Variants in NFATC3 observed in about 807,000 individuals in gnomAD.
NFATC3 encodes the protein nuclear factor of activated T cells 3.
NFATC3 carries 46 observed loss-of-function variants against 98.6 expected under a neutral mutation model. That is an observed-to-expected ratio of 0.47 (90% CI 0.37 to 0.60). The LOEUF (loss-of-function observed/expected upper bound fraction) is 0.60, where lower values mean the gene tolerates loss of function less well. Among genes scored for constraint, NFATC3 ranks in the 20% least tolerant of loss-of-function variants. The pLI is 0.00. For synonymous variants in NFATC3, 512 were observed against 472.2 expected (o/e 1.08, Z -1.09); for missense variants, 1,256 against 1,295.5 (o/e 0.97, Z 0.47).
At chr16:68,175,803 T>C (rs2039668943) in intron 6 of NFATC3, among the ~76,000 whole-genome samples, 1 of 152,156 alleles carries the variant, frequency 6.6e-6, no homozygotes, top group Non-Finnish European at 1.5e-5. Context: ...TCAAGTGATC[T>C]GCCCACCTCA....
chr16:68,135,155 A>G (rs1438886297), intron 3 of NFATC3, among the ~76,000 whole-genome samples: 1 of 151,992 alleles, frequency 6.6e-6, no homozygotes, highest in Non-Finnish European at 1.5e-5. Context: ...ATGCAATTTA[A>G]TCTCAAATGA....
At chr16:68,185,107 C>A (rs966673635) in intron 8 of NFATC3, among the ~76,000 whole-genome samples, 4 of 151,850 alleles carry the variant, frequency 2.6e-5, no homozygotes, top group Non-Finnish European at 4.4e-5. Flanking sequence ...CCTGCCTCAG[C>A]CTCCCAAGTA....
Position 68,190,965 on chromosome 16 carries a change from C to G in NFATC3, c.2296C>G (p.Gln766Glu). The G allele has an allele frequency of 6.2e-7, 1 of 1,614,214 alleles. No homozygotes were observed. Among genetic ancestry groups the G allele is most frequent in the Non-Finnish European group, 8.5e-7 (1 of 1,180,026 alleles). ...CATGGTGACCTCATCCCATCTGCCA[C>G]AGTTGCAGTGTAGAGATGAGAGTGT... ...ASMVTSSHLP[Q>E]LQCRDESVSK... Residue 766 changes from glutamine (Q) to glutamate (E), a missense_variant, in exon 9 of 10, where the codon CAG (glutamine) becomes GAG (glutamate). By Grantham distance (29) the Gln-to-Glu change is conservative. Around this residue, in one of 3 missense-constraint regions of NFATC3, gnomAD observed 636 missense variants for 617.3 expected, o/e 1.03. Transcript: ENST00000346183.
At chr16:68,148,217 T>G (rs113383450) in intron 3 of NFATC3, among the ~76,000 whole-genome samples, 1 of 152,106 alleles carries the variant, frequency 6.6e-6, no homozygotes, top group East Asian at 1.9e-4. Flanking sequence ...GGTTTCTCCA[T>G]GTTGGTCAGG....
intron 3 of NFATC3, 60 bp downstream of exon 3, chr16:68,126,670 T>C: frequency 6.4e-7 from 1 of 1,561,130 alleles, no homozygotes; most frequent in African/African-American, 1.4e-5. Context: ...ATTAGACAAG[T>C]CTATTCAGTT....
chr16:68,138,855 A>G (rs1175272869), intron 3 of NFATC3: 2 of 1,120,768 alleles, frequency 1.8e-6, no homozygotes, highest in Admixed American at 3.6e-5. Context: ...AGTCACTAAT[A>G]CGGGCTCTAG....
chr16:68,140,789 A>G (rs1170313588), intron 3 of NFATC3, among the ~76,000 whole-genome samples: 1 of 152,164 alleles, frequency 6.6e-6, no homozygotes, highest in Admixed American at 6.5e-5. Flanking sequence ...TATGTTAATG[A>G]ATTATTTATA....
At position 68,228,747 on chromosome 16, in the gene NFATC3, G is replaced by T. The variant is rs1203240099; in HGVS notation, c.*2276G>T. The T allele has an allele frequency of 6.6e-6, 1 of 152,540 alleles. No homozygotes were observed. The highest frequency in any genetic ancestry group is 1.9e-4 in the East Asian group (1 of 5,200). 9.4% of individuals were successfully genotyped at this position (152,540 alleles called of 1,614,324 possible). Reference sequence around the variant, plus strand: ...GGACTATGCAAATCAATTTCTACTAGCAGCACTGAGCAACTGGGCACGTGC... The same window carrying T: ...GGACTATGCAAATCAATTTCTACTATCAGCACTGAGCAACTGGGCACGTGC... On this transcript the variant is annotated 3_prime_UTR_variant, in exon 10 of 10. Transcript: ENST00000346183.
At chr16:68,110,961 G>A (rs1888626689) in intron 1 of NFATC3, among the ~76,000 whole-genome samples, 1 of 152,164 alleles carries the variant, frequency 6.6e-6, no homozygotes, top group Admixed American at 6.5e-5. Context: ...TAGTTGTGTG[G>A]GTTTGAGTGA....
intron 9 of NFATC3, among the ~76,000 whole-genome samples, chr16:68,205,257 G>C (rs2041096558): frequency 6.6e-6 from 1 of 151,970 alleles, no homozygotes; most frequent in Non-Finnish European, 1.5e-5. Context: ...TTTCTTTGGT[G>C]GGGGAACGGA....
chr16:68,190,706 G>A (rs1462982528), intron 8 of NFATC3, 62 bp from the exon 9 acceptor site: 12 of 1,494,140 alleles, frequency 8.0e-6, no homozygotes, highest in South Asian at 2.7e-5. Flanking sequence ...CTAGCATGAA[G>A]GCCTGTCATG....
intron 3 of NFATC3, among the ~76,000 whole-genome samples, chr16:68,138,034 A>C (rs1598427327): frequency 2.0e-5 from 3 of 152,168 alleles, no homozygotes; most frequent in South Asian, 4.1e-4. Context: ...TTACTTTAAA[A>C]AAAAATTTTT....
At chr16:68,153,659 G>A (rs865920531) in intron 3 of NFATC3, among the ~76,000 whole-genome samples, 6 of 152,094 alleles carry the variant, frequency 3.9e-5, no homozygotes, top group Non-Finnish European at 8.8e-5. Context: ...TGTCGCCCAA[G>A]CTGGAGTACA....
chr16:68,154,879 C>A (rs184734160), intron 3 of NFATC3, among the ~76,000 whole-genome samples: 56 of 152,212 alleles, frequency 3.7e-4, no homozygotes, highest in African/African-American at 1.1e-3. Flanking sequence ...GGAGGGAAGC[C>A]ATTAGAGAGT....
At chr16:68,151,679 C>A (rs758467035) in intron 3 of NFATC3, among the ~76,000 whole-genome samples, 3 of 152,154 alleles carry the variant, frequency 2.0e-5, no homozygotes, top group Non-Finnish European at 4.4e-5. Flanking sequence ...CCCCACTTAT[C>A]ATGTTGACAA....
In NFATC3 at chr16:68,196,281, A is replaced by C. The variant is rs569233968; in HGVS notation, c.3106+4506A>C. On this transcript the variant is annotated intron_variant, in intron 9 of 9. Transcript: ENST00000346183. ...ACTACAGGCGTGTACCACCACGCCC[A>C]GCTAATTTTTGTATTTTTTAGTAGA... 2.0e-5 allele frequency among the ~76,000 whole-genome samples: 3 copies of C among 151,964 alleles called. No homozygotes were observed. The South Asian group carries it at 6.2e-4, about 32-fold the overall frequency.
chr16:68,200,199 C>T (rs1030046456), intron 9 of NFATC3: 12 of 151,728 alleles, frequency 7.9e-5, no homozygotes, highest in African/African-American at 2.7e-4. Context: ...CTGCTTGAAC[C>T]GTGATGTTTA....
chr16:68,085,500 C>G lies in NFATC3; in HGVS notation c.-182C>G. 1.9e-6 allele frequency: 1 copy of G among 515,224 alleles called. No homozygotes were observed. The highest frequency in any genetic ancestry group is 3.3e-6 in the Non-Finnish European group (1 of 301,310). 31.9% of individuals were successfully genotyped at this position (515,224 alleles called of 1,614,324 possible). On this transcript the variant is annotated 5_prime_UTR_variant, in exon 1 of 10. Coordinates refer to ENST00000346183, the MANE Select transcript of NFATC3 (RefSeq NM_173165.3). The stretch of plus-strand genomic sequence containing the variant: ...CTGCGGTTCCTGGTGCTGCTCGGCG[C>G]GCGGCCAGCTTTCGGAACGGAACGC...
chr16:68,221,627 G>A (rs929251143), intron 9 of NFATC3: 30 of 1,033,506 alleles, frequency 2.9e-5, no homozygotes, highest in Admixed American at 5.0e-5. Flanking sequence ...CTGACTGCTG[G>A]TGAATTCATA....
Sources: allele counts gnomAD v4.1 joint callset (sites outside exome capture counted in the v4.1 genomes callset), GRCh38; gene constraint gnomAD v4.1.1; regional missense constraint gnomAD v4.1.1; transcripts MANE v1.5; gene names NCBI Gene and HGNC (gene_info 2026-07-23, HGNC 2026-07-21).